Variants in ZFAND3 observed in about 807,000 individuals in gnomAD.
The protein encoded by ZFAND3 is AN1-type zinc finger protein 3.
ZFAND3 carries 10 observed loss-of-function variants against 29.6 expected under a neutral mutation model. The observed-to-expected ratio is 0.34, with a 90% CI of 0.21 to 0.57. The LOEUF is 0.57. ZFAND3 is among the 20% of genes least tolerant of loss of function. The pLI, the probability that ZFAND3 is intolerant of heterozygous loss-of-function variation, is 0.86. For synonymous variants in ZFAND3, 128 were observed against 112.6 expected (o/e 1.14, Z -0.87); for missense variants, 230 against 304.5 (o/e 0.76, Z 1.82).
At chr6:38,020,466 A>G (rs924694733) in intron 2 of ZFAND3, among the ~76,000 whole-genome samples, 2 of 152,186 alleles carry the variant, frequency 1.3e-5, no homozygotes, top group African/African-American at 2.4e-5. Context: ...CAAGTCTCCA[A>G]CATAACTCTA....
At chr6:38,147,879 T>C (rs1453575993) in intron 5 of ZFAND3, among the ~76,000 whole-genome samples, 1 of 152,188 alleles carries the variant, frequency 6.6e-6, no homozygotes, top group Non-Finnish European at 1.5e-5. Context: ...GATGAGTGAT[T>C]TGCAGATATT....
At chr6:38,118,860 A>T (rs780713049) in intron 5 of ZFAND3, among the ~76,000 whole-genome samples, 5 of 152,072 alleles carry the variant, frequency 3.3e-5, no homozygotes, top group Non-Finnish European at 7.4e-5. Context: ...TTACTCTGCC[A>T]TGCTCTTAAC....
chr6:38,085,613 A>G (rs1169165815), intron 4 of ZFAND3, among the ~76,000 whole-genome samples: 1 of 151,812 alleles, frequency 6.6e-6, no homozygotes, highest in African/African-American at 2.4e-5. Flanking sequence ...ATTTATTTTT[A>G]TTTTTTAATA....
intron 1 of ZFAND3, among the ~76,000 whole-genome samples, chr6:37,918,412 A>C (rs1201899941): frequency 6.6e-6 from 1 of 152,102 alleles, no homozygotes; most frequent in African/African-American, 2.4e-5. Context: ...TCCAGCTTCT[A>C]GAAGTACCTT....
At chr6:37,920,993 A>G (rs1036408646) in intron 1 of ZFAND3, among the ~76,000 whole-genome samples, 3 of 152,114 alleles carry the variant, frequency 2.0e-5, no homozygotes, top group African/African-American at 7.2e-5. Context: ...AGTCTTTAAT[A>G]TTCTAATTTT....
intron 2 of ZFAND3, among the ~76,000 whole-genome samples, chr6:37,996,116 C>T (rs1397556508): frequency 2.0e-5 from 3 of 149,430 alleles, no homozygotes; most frequent in Non-Finnish European, 4.4e-5. Flanking sequence ...GCTACAAGAG[C>T]GAAACTCCAT....
chr6:37,862,708 A>C lies in ZFAND3; in HGVS notation c.71+42692A>C, dbSNP rs143245088. Among the ~76,000 whole-genome samples the C allele has an allele frequency of 6.7e-3, 1,020 of 151,820 alleles. 11 individuals are homozygous for C. Among genetic ancestry groups the C allele is most frequent in the African/African-American group, 0.017 (700 of 41,394 alleles). On this transcript the variant is annotated intron_variant, in intron 1 of 5. Coordinates refer to ENST00000287218, the MANE Select transcript of ZFAND3 (RefSeq NM_021943.3). Reference sequence around the variant, plus strand: ...GACAGAGCGAGATCCTGTCTCTAAAAAAAACAAAACAAAACAAAAAAAAAA... The same window carrying C: ...GACAGAGCGAGATCCTGTCTCTAAACAAAACAAAACAAAACAAAAAAAAAA...
intron 3 of ZFAND3, among the ~76,000 whole-genome samples, chr6:38,081,270 C>T (rs1764657079): frequency 6.6e-6 from 1 of 151,578 alleles, no homozygotes; most frequent in African/African-American, 2.4e-5. Context: ...GTTTTTTCCT[C>T]TTTTAAAATT....
intron 5 of ZFAND3, among the ~76,000 whole-genome samples, chr6:38,124,664 C>A (rs1022111566): frequency 6.6e-6 from 1 of 152,168 alleles, no homozygotes; most frequent in Non-Finnish European, 1.5e-5. Flanking sequence ...GGCCCATAAG[C>A]GCCGCGCGCA....
intron 4 of ZFAND3, among the ~76,000 whole-genome samples, chr6:38,091,310 G>A (rs1764863485): frequency 6.6e-6 from 1 of 151,052 alleles, no homozygotes; most frequent in African/African-American, 2.4e-5. Context: ...TTTTTTAATA[G>A]TCATTTATTT....
chr6:37,856,020 TTTC>T (rs1376205646), intron 1 of ZFAND3, among the ~76,000 whole-genome samples: 6 of 152,014 alleles, frequency 3.9e-5, no homozygotes, highest in East Asian at 1.9e-4. Context: ...GTTTTTTTTT[TTTC>T]TTCTTCTTTT....
intron 5 of ZFAND3, among the ~76,000 whole-genome samples, chr6:38,124,800 A>G (rs1185950157): frequency 6.6e-6 from 1 of 152,232 alleles, no homozygotes; most frequent in Non-Finnish European, 1.5e-5. Context: ...CTCCCTGAGC[A>G]TGGCCAGAGC....
At chr6:37,977,898 C>T (rs2127431204) in intron 2 of ZFAND3, among the ~76,000 whole-genome samples, 2 of 80,330 alleles carry the variant, frequency 2.5e-5, no homozygotes, top group African/African-American at 4.4e-5. Context: ...CTCTCCTCTC[C>T]TCTCCTCTTC....
chr6:37,952,979 C>G (rs921042546), intron 2 of ZFAND3, among the ~76,000 whole-genome samples: 1 of 151,262 alleles, frequency 6.6e-6, no homozygotes, highest in Non-Finnish European at 1.5e-5. Flanking sequence ...TTATTTTTTC[C>G]GTAGTTTTTT....
intron 1 of ZFAND3, among the ~76,000 whole-genome samples, chr6:37,866,183 T>C: frequency 6.6e-6 from 1 of 152,288 alleles, no homozygotes; most frequent in East Asian, 1.9e-4. Context: ...CCCAGGTGGA[T>C]AGTAGGAGAG....
At chr6:37,916,145 C>T (rs924785500) in intron 1 of ZFAND3, among the ~76,000 whole-genome samples, 1 of 149,458 alleles carries the variant, frequency 6.7e-6, no homozygotes, top group African/African-American at 2.5e-5. Context: ...TGTCCCAAAA[C>T]AATGACAATA....
intron 2 of ZFAND3, among the ~76,000 whole-genome samples, chr6:37,956,999 C>T (rs1762095653): frequency 6.6e-6 from 1 of 152,076 alleles, no homozygotes; most frequent in African/African-American, 2.4e-5. Context: ...CGCTGAGTTT[C>T]TAGGGATATT....
chr6:37,908,743 GAAA>G (rs202057469), intron 1 of ZFAND3, among the ~76,000 whole-genome samples: 3 of 97,266 alleles, frequency 3.1e-5, no homozygotes, highest in Non-Finnish European at 4.3e-5. Flanking sequence ...AATTTTCAAA[GAAA>G]AAAAAAAAAA....
At chr6:37,984,500 A>G (rs1762632019) in intron 2 of ZFAND3, among the ~76,000 whole-genome samples, 2 of 152,184 alleles carry the variant, frequency 1.3e-5, no homozygotes, top group Non-Finnish European at 2.9e-5. Context: ...AATTTGAACA[A>G]CAGTCACTCC....
Sources: allele counts gnomAD v4.1 joint callset (sites outside exome capture counted in the v4.1 genomes callset), GRCh38; gene constraint gnomAD v4.1.1; transcripts MANE v1.5; gene names NCBI Gene and HGNC (gene_info 2026-07-23, HGNC 2026-07-21).